TNFSF8: variants seen among roughly 807,000 people sequenced by gnomAD.
TNFSF8 encodes the protein tumor necrosis factor ligand superfamily member 8.
A neutral mutation model predicts 22.0 loss-of-function variants in TNFSF8; 4 were observed. The observed-to-expected ratio is 0.18, with a 90% CI of 0.09 to 0.42. The LOEUF (loss-of-function observed/expected upper bound fraction) is 0.42, where lower values mean the gene tolerates loss of function less well. Ranked by LOEUF, TNFSF8 falls within the 10% of genes least tolerant of loss-of-function variation. The pLI is 1.00. For missense variants in TNFSF8, 233 were observed against 281.8 expected, an observed-to-expected ratio of 0.83 and a Z score of 1.24; for synonymous variants, 106 against 112.5, an observed-to-expected ratio of 0.94 and a Z score of 0.37.
rs955996457 is a variant in TNFSF8, at chr9:114,902,499, C to T, written c.*1432G>A. On this transcript the variant is annotated 3_prime_UTR_variant, in exon 4 of 4. Coordinates refer to ENST00000223795, the MANE Select transcript of TNFSF8 (RefSeq NM_001244.4). Reference sequence around the variant, plus strand: ...AGAGTCAGGCCTCGTCAGATGGTTTCCCAAACACCCAGATGGTCTCTTAGA... The same window carrying T: ...AGAGTCAGGCCTCGTCAGATGGTTTTCCAAACACCCAGATGGTCTCTTAGA... 6.1e-6 allele frequency: 6 copies of T among 985,414 alleles called. No homozygotes were observed. The African/African-American group carries it at 8.7e-5, about 14-fold the overall frequency. 61.0% of individuals were successfully genotyped at this position (985,414 alleles called of 1,614,324 possible).
At chr9:114,906,328 C>T (rs574374518) in intron 2 of TNFSF8, among the ~76,000 whole-genome samples, 2 of 152,318 alleles carry the variant, frequency 1.3e-5, no homozygotes, top group East Asian at 3.9e-4. Context: ...CCTTGCCAGG[C>T]AGTGGTAGTG....
intron 2 of TNFSF8, among the ~76,000 whole-genome samples, chr9:114,915,453 T>C (rs1018307392): frequency 2.6e-5 from 4 of 152,164 alleles, no homozygotes; most frequent in African/African-American, 9.7e-5. Context: ...TACTACAGTG[T>C]CTCTGCAGAT....
intron 1 of TNFSF8, among the ~76,000 whole-genome samples, chr9:114,929,029 G>T (rs1164272850): frequency 6.6e-6 from 1 of 152,166 alleles, no homozygotes; most frequent in East Asian, 1.9e-4. Flanking sequence ...ACTTTGGCAG[G>T]TCATGTGGGT....
intron 2 of TNFSF8, among the ~76,000 whole-genome samples, chr9:114,915,309 A>G (rs1396019151): frequency 6.6e-6 from 1 of 152,122 alleles, no homozygotes; most frequent in Non-Finnish European, 1.5e-5. Flanking sequence ...AGTCTCATAA[A>G]GGGTCAAAGC....
exon 5 of TNFSF8, chr9:114,893,857 G>T (rs562468454): frequency 5.9e-6 from 3 of 509,138 alleles, no homozygotes; most frequent in Non-Finnish European, 7.1e-6. Flanking sequence ...TGAGTAGGGG[G>T]TGGTCAGACT....
chr9:114,906,400 G>A (rs1471369502), intron 2 of TNFSF8, among the ~76,000 whole-genome samples: 1 of 152,178 alleles, frequency 6.6e-6, no homozygotes, highest in African/African-American at 2.4e-5. Flanking sequence ...AAACTAGTCT[G>A]GGTACTTTTA....
Position 114,923,513 on chromosome 9 carries a change from TCTTTCTTTC to T in TNFSF8, c.196-5384_196-5376del, listed in dbSNP as rs1231794406. Among the ~76,000 whole-genome samples, 9 of 87,478 alleles carry T rather than the reference TCTTTCTTTC, an allele frequency of 1.0e-4. No homozygotes were observed. In the East Asian group the frequency reaches 1.4e-3, roughly 13 times the overall value. The allele number at this position is 87,478 out of a possible 152,430, so 57.4% of individuals were successfully genotyped here. A position where few individuals can be genotyped will look rare whatever the true frequency, so the allele number is the denominator to read the frequency against. On this transcript the variant is annotated intron_variant, in intron 1 of 3. Coordinates refer to ENST00000223795, the MANE Select transcript of TNFSF8 (RefSeq NM_001244.4). ...TTCTTTCTTTCTTTCTTTCTTTCTT[TCTTTCTTTC>T]TTTTTTTTTTTTTGAGATGAAATCT... is the stretch of plus-strand genomic sequence containing the variant.
chr9:114,929,874 CATATAT>C lies in TNFSF8; in HGVS notation c.195+229_195+234del, dbSNP rs10535780. ...GTTCCTCTTTCTTTTCTCCCTTTCT[CATATAT>C]ATATATATATATAATATATACTGTA... On this transcript the variant is annotated intron_variant, in intron 1 of 3. Transcript: ENST00000223795. Among the ~76,000 whole-genome samples the C allele has an allele frequency of 3.2e-4, 46 of 145,106 alleles. No individual in the cohort carries two copies. In the East Asian group the frequency reaches 3.4e-3, roughly 11 times the overall value.
chr9:114,910,631 C>G (rs1223845926), intron 2 of TNFSF8, among the ~76,000 whole-genome samples: 1 of 152,156 alleles, frequency 6.6e-6, no homozygotes, highest in Non-Finnish European at 1.5e-5. Context: ...CTAATGAGCT[C>G]CTGGGTTCCA....
intron 2 of TNFSF8, among the ~76,000 whole-genome samples, chr9:114,912,116 T>TGG (rs1247299717): frequency 6.6e-6 from 1 of 152,252 alleles, no homozygotes; most frequent in African/African-American, 2.4e-5. Context: ...ACTAGCTGTG[T>TGG]GGCTTTGCAA....
intron 2 of TNFSF8, among the ~76,000 whole-genome samples, chr9:114,909,697 C>G (rs184326893): frequency 3.9e-5 from 6 of 152,084 alleles, no homozygotes. Context: ...GATGGGGAGT[C>G]GGTCCCAGCT....
chr9:114,907,746 T>C (rs1827802466), intron 2 of TNFSF8, among the ~76,000 whole-genome samples: 1 of 152,232 alleles, frequency 6.6e-6, no homozygotes, highest in African/African-American at 2.4e-5. Context: ...GTGATAGCCA[T>C]TTTCCAGGTA....
chr9:114,923,655 C>A (rs1214555805), intron 1 of TNFSF8, among the ~76,000 whole-genome samples: 2 of 151,716 alleles, frequency 1.3e-5, no homozygotes, highest in East Asian at 3.9e-4. Flanking sequence ...GTAGCTGGGA[C>A]TACAGGTGTG....
chr9:114,917,447 T>G (rs1302915175), intron 2 of TNFSF8, among the ~76,000 whole-genome samples: 2 of 152,190 alleles, frequency 1.3e-5, no homozygotes, highest in African/African-American at 4.8e-5. Context: ...AAAACATTAA[T>G]CAGGTCATCT....
At chr9:114,912,583 G>A (rs1047866921) in intron 2 of TNFSF8, among the ~76,000 whole-genome samples, 1 of 152,142 alleles carries the variant, frequency 6.6e-6, no homozygotes, top group Admixed American at 6.5e-5. Flanking sequence ...TGAAGACAGG[G>A]TTTCACCATG....
chr9:114,922,832 G>C (rs1211515430), intron 1 of TNFSF8, among the ~76,000 whole-genome samples: 1 of 152,122 alleles, frequency 6.6e-6, no homozygotes, highest in East Asian at 1.9e-4. Context: ...CCAGCATCGG[G>C]GGATTTTGGT....
chr9:114,920,293 A>G (rs889276040), intron 1 of TNFSF8, among the ~76,000 whole-genome samples: 23 of 152,340 alleles, frequency 1.5e-4, no homozygotes, highest in African/African-American at 5.3e-4. Flanking sequence ...CTGCCCAGGG[A>G]CATATACAGG....
rs550320750 is a variant in TNFSF8, at chr9:114,904,358, GA to G, written c.311-34del. On this transcript the variant is annotated intron_variant, in intron 3 of 3. Coordinates refer to ENST00000223795, the MANE Select transcript of TNFSF8 (RefSeq NM_001244.4). Reference sequence around the variant, plus strand: ...GAGAAGTATAGAAAACAGAATTATTGAGAAGATTGTAGGTACGCATTGCAAA... The same window carrying G: ...GAGAAGTATAGAAAACAGAATTATTGGAAGATTGTAGGTACGCATTGCAAA... 6.4e-4 allele frequency: 998 copies of G among 1,558,112 alleles called. 11 individuals carry two copies. In the South Asian group the frequency reaches 0.011, roughly 18 times the overall value.
intron 3 of TNFSF8, among the ~76,000 whole-genome samples, chr9:114,905,291 C>T (rs1041791877): frequency 4.6e-5 from 7 of 152,164 alleles, no homozygotes; most frequent in African/African-American, 1.7e-4. Context: ...TCTAAAGTGC[C>T]TCTTATTGCT....
Sources: gnomAD v4.1 joint callset for allele counts (sites outside exome capture counted in the v4.1 genomes callset) on GRCh38, gnomAD v4.1.1 for gene constraint, MANE v1.5 for transcripts, NCBI Gene and HGNC (gene_info 2026-07-23, HGNC 2026-07-21) for gene names.